Variants in PDXK observed in about 807,000 individuals in gnomAD.
PDXK encodes pyridoxal kinase, also known as epididymis secretory sperm binding protein Li 1a.
A neutral mutation model predicts 43.2 loss-of-function variants in PDXK; 15 were observed. The observed-to-expected ratio is 0.35, with a 90% CI of 0.23 to 0.53. The LOEUF (loss-of-function observed/expected upper bound fraction) is 0.53, where lower values mean the gene tolerates loss of function less well. Ranked by LOEUF, PDXK falls within the 20% of genes least tolerant of loss-of-function variation. The pLI, the probability that PDXK is intolerant of heterozygous loss-of-function variation, is 0.92. For synonymous variants in PDXK, 172 were observed against 165.4 expected (o/e 1.04, Z -0.31); for missense variants, 343 against 417.0 (o/e 0.82, Z 1.54).
In PDXK at chr21:43,755,883, C is replaced by T. The variant is rs1015294783; in HGVS notation, c.827-68C>T. ...TCGGTGTCTCCTGCTGACCTCACCT[C>T]TGGGAGTGGGGGCAACAGCGGGAGC... On this transcript the variant is annotated intron_variant, in intron 10 of 10. Transcript: ENST00000291565. 3 of 1,452,824 alleles carry T rather than the reference C, an allele frequency of 2.1e-6. No individual in the cohort carries two copies. The South Asian group carries it at 3.4e-5, about 17-fold the overall frequency. The allele number at this position is 1,452,824 out of a possible 1,614,324, so 90.0% of individuals were successfully genotyped here. A position where few individuals can be genotyped will look rare whatever the true frequency, so the allele number is the denominator to read the frequency against.
Position 43,732,484 on chromosome 21 carries a change from C to T in PDXK, c.88-1585C>T, listed in dbSNP as rs370464739. ...TGCCAGCCCAGGGGCTCAGCTTGCT[C>T]GTGCTCTCATTTAAAAGCAGAAAAT... On this transcript the variant is annotated intron_variant, in intron 1 of 10. Coordinates refer to ENST00000291565, the MANE Select transcript of PDXK (RefSeq NM_003681.5). This position sits in a 1 kb window ranked among gnomAD's most constrained non-coding sequence, Gnocchi z 4.1. 3.4e-5 allele frequency: 53 copies of T among 1,570,506 alleles called. No individual in the cohort carries two copies. In the African/African-American group the frequency reaches 3.8e-4, roughly 11 times the overall value.
chr21:43,733,654 A>C, intron 1 of PDXK: 1 of 1,059,190 alleles, frequency 9.4e-7, no homozygotes, highest in South Asian at 3.0e-5. Flanking sequence ...AGACGCCCAC[A>C]TTTTCACAGC....
At chr21:43,726,376 C>T (rs569726229) in intron 1 of PDXK, among the ~76,000 whole-genome samples, 5 of 150,168 alleles carry the variant, frequency 3.3e-5, no homozygotes, top group East Asian at 2.0e-4. Flanking sequence ...CCCAGGTTCA[C>T]GCCATTCTCC....
Position 43,737,137 on chromosome 21 carries a change from T to G in PDXK, c.142+3014T>G. On this transcript the variant is annotated intron_variant, in intron 2 of 10. Coordinates refer to ENST00000291565, the MANE Select transcript of PDXK (RefSeq NM_003681.5). This position sits in a 1 kb window ranked among gnomAD's most constrained non-coding sequence, Gnocchi z 4.8. ...TTACTGGGGTGGTCACGTGGGCAGC[T>G]TCTGCCTGGGATGGGCCACAAAGCC... The G allele has an allele frequency of 1.4e-6, 2 of 1,381,684 alleles. No individual in the cohort carries two copies. The highest frequency in any genetic ancestry group is 2.0e-6 in the Non-Finnish European group (2 of 1,017,514). 85.6% of individuals were successfully genotyped at this position (1,381,684 alleles called of 1,614,324 possible).
At chr21:43,742,101 G>A (rs935915186) in intron 3 of PDXK, among the ~76,000 whole-genome samples, 3 of 152,130 alleles carry the variant, frequency 2.0e-5, no homozygotes, top group African/African-American at 7.2e-5. Context: ...ACTCAATTAG[G>A]TGACGGGCTG....
At chr21:43,720,782 G>C (rs1408890930) in intron 1 of PDXK, among the ~76,000 whole-genome samples, 2 of 152,202 alleles carry the variant, frequency 1.3e-5, no homozygotes, top group East Asian at 3.9e-4. Context: ...GGGGCAGCCA[G>C]GCAGTGTGGA....
intron 1 of PDXK, among the ~76,000 whole-genome samples, chr21:43,727,144 CAG>C (rs948612729): frequency 6.6e-6 from 1 of 152,196 alleles, no homozygotes; most frequent in African/African-American, 2.4e-5. Flanking sequence ...TTCGGGGACA[CAG>C]GGGCTGCTGA....
chr21:43,720,194 G>A (rs2083195334), intron 1 of PDXK, among the ~76,000 whole-genome samples: 1 of 152,200 alleles, frequency 6.6e-6, no homozygotes, highest in Admixed American at 6.5e-5. Flanking sequence ...GGCAGAACCA[G>A]GACGACGGGC....
In PDXK at chr21:43,754,606, A is replaced by G. The variant is rs796168951; in HGVS notation, c.759+887A>G. On this transcript the variant is annotated intron_variant, in intron 9 of 10. Transcript: ENST00000291565. This position sits in a 1 kb window ranked among gnomAD's most constrained non-coding sequence, Gnocchi z 5.5. Reference sequence around the variant, plus strand: ...CTCAGCCCCCAAAACTCCCCTGGGTACTTCCCACTGCGTCCGCAGTGGGTT... The same window carrying G: ...CTCAGCCCCCAAAACTCCCCTGGGTGCTTCCCACTGCGTCCGCAGTGGGTT... 4.9e-4 allele frequency among the ~76,000 whole-genome samples: 75 copies of G among 152,150 alleles called. No individual in the cohort carries two copies. The highest frequency in any genetic ancestry group is 1.8e-3 in the African/African-American group (73 of 41,512).
At chr21:43,750,677 C>T in intron 7 of PDXK, 132 bp downstream of exon 7, 2 of 636,954 alleles carry the variant, frequency 3.1e-6, no homozygotes, top group Non-Finnish European at 5.5e-6. Flanking sequence ...CCAGTCGGGG[C>T]CTCCAGAGAT....
chr21:43,729,451 C>CGGGGTTCTGCAGCCCAGTGA (rs2083290228), intron 1 of PDXK, among the ~76,000 whole-genome samples: 1 of 152,144 alleles, frequency 6.6e-6, no homozygotes, highest in Non-Finnish European at 1.5e-5. Context: ...AGAAGGTGCC[C>CGGGGTTCTGCAGCCCAGTGA]GGGGTTCTGC....
At chr21:43,738,085 C>T (rs2083434938) in intron 2 of PDXK, 1 of 979,580 alleles carries the variant, frequency 1.0e-6, no homozygotes. Flanking sequence ...TTACGTCCCC[C>T]CAAATTCTCA....
In PDXK at chr21:43,756,193, T is replaced by C. The variant is rs1056356987; in HGVS notation, c.*130T>C. 3 of 589,996 alleles carry C rather than the reference T, an allele frequency of 5.1e-6. No individual in the cohort carries two copies. The African/African-American group carries it at 5.6e-5, about 11-fold the overall frequency. 36.5% of individuals were successfully genotyped at this position (589,996 alleles called of 1,614,324 possible). A position where few individuals can be genotyped will look rare whatever the true frequency, so the allele number is the denominator to read the frequency against. On this transcript the variant is annotated 3_prime_UTR_variant, in exon 11 of 11. Coordinates refer to ENST00000291565, the MANE Select transcript of PDXK (RefSeq NM_003681.5). ...TTTTTTCTTTCATGAGTGTCCGGCA[T>C]CTGCTGGTCTTCATTGTGAAACGTG... is the stretch of plus-strand genomic sequence containing the variant.
chr21:43,732,356 T>C lies in PDXK; in HGVS notation c.88-1713T>C. ...TGCATTGTCGTCTTCTGAGTCTGGC[T>C]TTGTCTGGCACATGAAGTTGGATGG... On this transcript the variant is annotated intron_variant, in intron 1 of 10. Coordinates refer to ENST00000291565, the MANE Select transcript of PDXK (RefSeq NM_003681.5). The surrounding 1 kb of genome is among the most constrained non-coding windows in gnomAD (Gnocchi z 4.1). The C allele has an allele frequency of 6.2e-7, 1 of 1,610,284 alleles. No homozygotes were observed. Among genetic ancestry groups the C allele is most frequent in the Non-Finnish European group, 8.5e-7 (1 of 1,177,664 alleles).
chr21:43,755,624 C>G (rs372641546), intron 9 of PDXK, 74 bp from the exon 10 acceptor site: 2 of 1,246,904 alleles, frequency 1.6e-6, no homozygotes, highest in African/African-American at 1.5e-5. Context: ...CCCTGGAAAT[C>G]CCCTCCTGGC....
In PDXK at chr21:43,736,485, G is replaced by T. The variant is rs149428017; in HGVS notation, c.142+2362G>T. ...TTGGCTGTTGGGGTCATGCTGCCAT[G>T]AACGTTTGTCTCAGTTCTCCAGTGA... On this transcript the variant is annotated intron_variant, in intron 2 of 10. Transcript: ENST00000291565. Among the ~76,000 whole-genome samples, 727 of 152,342 alleles carry T rather than the reference G, an allele frequency of 4.8e-3. 3 individuals carry two copies. Among genetic ancestry groups the T allele is most frequent in the Non-Finnish European group, 6.2e-3 (422 of 68,020 alleles).
chr21:43,751,066 G>A (rs564175111), intron 7 of PDXK, among the ~76,000 whole-genome samples: 19 of 152,212 alleles, frequency 1.2e-4, no homozygotes, highest in Non-Finnish European at 1.9e-4. Context: ...AGGGCCAGCT[G>A]TTGGGAAGGG....
chr21:43,748,622 C>T (rs2083679017), intron 5 of PDXK, among the ~76,000 whole-genome samples: 1 of 152,200 alleles, frequency 6.6e-6, no homozygotes, highest in Admixed American at 6.5e-5. Flanking sequence ...TGGCCAGCAC[C>T]CCCAAGCCCT....
intron 6 of PDXK, among the ~76,000 whole-genome samples, chr21:43,749,876 T>A (rs1025309556): frequency 2.6e-5 from 4 of 152,170 alleles, no homozygotes; most frequent in African/African-American, 9.6e-5. Flanking sequence ...AGGTCTTTCT[T>A]TGGGTGCATG....
Sources: allele counts gnomAD v4.1 joint callset (sites outside exome capture counted in the v4.1 genomes callset), GRCh38; gene constraint gnomAD v4.1.1; non-coding constraint Gnocchi (gnomAD v3.1); transcripts MANE v1.5; gene names NCBI Gene and HGNC (gene_info 2026-07-23, HGNC 2026-07-21).